ACAN: variants seen among roughly 807,000 people sequenced by gnomAD.
ACAN encodes the protein aggrecan core protein.
In ACAN, 47 loss-of-function variants were observed where a neutral mutation model predicts 169.1. The observed-to-expected ratio is 0.28, with a 90% CI of 0.22 to 0.35. The LOEUF is 0.35. Among genes scored for constraint, ACAN ranks in the 10% least tolerant of loss-of-function variants. The probability of loss-of-function intolerance (pLI) is 1.00; values close to 1 mark genes in which losing one functional copy is unlikely to be tolerated. For synonymous variants in ACAN, 1,115 were observed against 1,112.2 expected (o/e 1.00, Z -0.05); for missense variants, 2,716 against 2,759.9 (o/e 0.98, Z 0.36).
rs1897428530 is a variant in ACAN at position 88,873,381 on chromosome 15, C to T, written c.7447+356C>T. Among the ~76,000 whole-genome samples, 2 of 152,222 alleles carry T rather than the reference C, an allele frequency of 1.3e-5. No homozygotes were observed. Among genetic ancestry groups the T allele is most frequent in the South Asian group, 4.1e-4 (2 of 4,830 alleles). ...GGGGAGCCTCCCTGTCTTTGGGATTCCCAAGGCCATCAATCACAGAGTCAT... is the reference window on the plus strand; with the variant it reads ...GGGGAGCCTCCCTGTCTTTGGGATTTCCAAGGCCATCAATCACAGAGTCAT... On this transcript the variant is annotated intron_variant, in intron 17 of 18. Transcript: ENST00000560601. This position sits in a 1 kb window ranked among gnomAD's most constrained non-coding sequence, Gnocchi z 7.5.
At position 88,848,918 on chromosome 15, in the gene ACAN, C is replaced by T. The variant is rs557723307; in HGVS notation, c.1733-520C>T. 2.0e-5 allele frequency among the ~76,000 whole-genome samples: 3 copies of T among 152,318 alleles called. No homozygotes were observed. In the South Asian group the frequency reaches 6.2e-4, roughly 32 times the overall value. ...AGGTGTTCAGTAAGTGTAAGCCCTC[C>T]TCCCCCTAAACCGGATAGGTATCAG... is the stretch of plus-strand genomic sequence containing the variant. On this transcript the variant is annotated intron_variant, in intron 9 of 18. Transcript: ENST00000560601.
intron 1 of ACAN, among the ~76,000 whole-genome samples, chr15:88,816,282 T>A (rs1020879370): frequency 1.3e-5 from 2 of 152,212 alleles, no homozygotes; most frequent in African/African-American, 4.8e-5. Flanking sequence ...AGGGACTCAG[T>A]TCAACATATA....
intron 1 of ACAN, among the ~76,000 whole-genome samples, chr15:88,806,379 T>A (rs1317904222): frequency 1.3e-5 from 2 of 150,762 alleles, no homozygotes; most frequent in Non-Finnish European, 3.0e-5. Flanking sequence ...AAGATGGGAG[T>A]CTTGCTCTGT....
In ACAN at chr15:88,860,072, C is replaced by CTTTTTTTTTT; in HGVS notation, c.6833-242_6833-233dup. Among the ~76,000 whole-genome samples, 96 of 102,888 alleles carry CTTTTTTTTTT rather than the reference C, an allele frequency of 9.3e-4. 9 individuals are homozygous for CTTTTTTTTTT. Among genetic ancestry groups the CTTTTTTTTTT allele is most frequent in the African/African-American group, 4.0e-3 (84 of 21,160 alleles). 67.5% of individuals were successfully genotyped at this position (102,888 alleles called of 152,430 possible). A position where few individuals can be genotyped will look rare whatever the true frequency, so the allele number is the denominator to read the frequency against. On this transcript the variant is annotated intron_variant, in intron 12 of 18. Transcript: ENST00000560601. The stretch of plus-strand genomic sequence containing the variant: ...GCACTGGTAGCGGTAGCTGATTTTC[C>CTTTTTTTTTT]TTTTTTTTTTTTTTTTTTTTTGCTC...
intron 13 of ACAN, among the ~76,000 whole-genome samples, chr15:88,863,959 C>T (rs1388423614): frequency 6.6e-6 from 1 of 152,178 alleles, no homozygotes; most frequent in Non-Finnish European, 1.5e-5. Context: ...ATCACTTGAG[C>T]CCAGGAGTTC....
In ACAN at chr15:88,859,275, A is replaced by C. The variant is rs570283804; in HGVS notation, c.6690A>C (p.Ala2230=). ...SEWTQQTQRP[A]ETHLEIESSS... ...GGACCCAGCAGACCCAGCGCCCTGC[A>C]GAGACGCATCTAGAAATTGAGTCCT... Residue 2230 remains alanine (A), a synonymous_variant, in exon 12 of 19, where the codon GCA becomes GCC. Coordinates refer to ENST00000560601, the MANE Select transcript of ACAN (RefSeq NM_001369268.1). The C allele has an allele frequency of 3.1e-6, 5 of 1,613,798 alleles. No homozygotes were observed. Among genetic ancestry groups the C allele is most frequent in the Non-Finnish European group, 4.2e-6 (5 of 1,179,848 alleles).
chr15:88,839,822 C>A lies in ACAN; in HGVS notation c.455-190C>A, dbSNP rs1896603019. Among the ~76,000 whole-genome samples the A allele has an allele frequency of 6.6e-6, 1 of 152,224 alleles. No homozygotes were observed. Among genetic ancestry groups the A allele is most frequent in the African/African-American group, 2.4e-5 (1 of 41,446 alleles). ...GGAATGCCTTATAAAGTAGTGAGCT[C>A]CCCATTACAGGGTGTTCCAGCAAAT... is the stretch of plus-strand genomic sequence containing the variant. On this transcript the variant is annotated intron_variant, in intron 3 of 18. Coordinates refer to ENST00000560601, the MANE Select transcript of ACAN (RefSeq NM_001369268.1). This position sits in a 1 kb window ranked among gnomAD's most constrained non-coding sequence, Gnocchi z 4.5.
At chr15:88,859,682 C>T (rs947379020) in intron 12 of ACAN, among the ~76,000 whole-genome samples, 1 of 152,226 alleles carries the variant, frequency 6.6e-6, no homozygotes, top group Non-Finnish European at 1.5e-5. Context: ...ATGCAGTGCA[C>T]ACTTGTAAAG....
At chr15:88,837,765 C>G (rs1349167430) in intron 2 of ACAN, among the ~76,000 whole-genome samples, 1 of 152,190 alleles carries the variant, frequency 6.6e-6, no homozygotes, top group Non-Finnish European at 1.5e-5. Context: ...ATTCCTCGCT[C>G]CCCTCCCCTT....
chr15:88,852,333 C>A (rs1263806199), intron 11 of ACAN, among the ~76,000 whole-genome samples: 2 of 152,208 alleles, frequency 1.3e-5, no homozygotes, highest in African/African-American at 4.8e-5. Flanking sequence ...TGAGAGGGCC[C>A]TCAGTTACCT....
At chr15:88,840,311 G>C (rs1470906697) in intron 4 of ACAN, 125 bp downstream of exon 4, 5 of 1,221,022 alleles carry the variant, frequency 4.1e-6, no homozygotes, top group Non-Finnish European at 5.5e-6. Flanking sequence ...GCCAGCCTAG[G>C]TTAGAGGCCG....
Position 88,858,599 on chromosome 15 carries a change from G to T in ACAN, c.6014G>T (p.Ser2005Ile). The T allele has an allele frequency of 1.9e-6, 3 of 1,613,936 alleles. No individual in the cohort carries two copies. Among genetic ancestry groups the T allele is most frequent in the Non-Finnish European group, 2.5e-6 (3 of 1,179,904 alleles). ...SGEPPGTPYFSGDFASTTNVS... is the reference protein window; with the variant it reads ...SGEPPGTPYFIGDFASTTNVS... ...GAGCCACCAGGTACTCCATATTTTAGTGGGGATTTTGCCAGCACCACCAAT... is the reference window on the plus strand; with the variant it reads ...GAGCCACCAGGTACTCCATATTTTATTGGGGATTTTGCCAGCACCACCAAT... The change falls in exon 12 of 19, where the codon AGT becomes ATT. Residue 2005 changes from serine (S) to isoleucine (I), a missense_variant. Physicochemically the swap from Ser to Ile is moderately radical, Grantham distance 142 (BLOSUM62 -2). Coordinates refer to ENST00000560601, the MANE Select transcript of ACAN (RefSeq NM_001369268.1). The surrounding 1 kb of genome is among the most constrained non-coding windows in gnomAD (Gnocchi z 4.0).
rs752804507 is a variant in ACAN at position 88,874,048 on chromosome 15, G to A, written c.7630+24G>A. The A allele has an allele frequency of 1.9e-6, 3 of 1,605,064 alleles. No homozygotes were observed. The highest frequency in any genetic ancestry group is 1.3e-5 in the African/African-American group (1 of 74,956). Reference sequence around the variant, plus strand: ...CCGTGAGCATCACCCCGGCCATCTCGCTGAGCACAGGGTTAGATTCTGCCA... The same window carrying A: ...CCGTGAGCATCACCCCGGCCATCTCACTGAGCACAGGGTTAGATTCTGCCA... On this transcript the variant is annotated intron_variant, in intron 18 of 18. Transcript: ENST00000560601. The surrounding 1 kb of genome is among the most constrained non-coding windows in gnomAD (Gnocchi z 7.3).
intron 9 of ACAN, among the ~76,000 whole-genome samples, chr15:88,848,366 C>T (rs1896847155): frequency 6.6e-6 from 1 of 152,294 alleles, no homozygotes; most frequent in Admixed American, 6.5e-5. Context: ...TGGAGAGTCC[C>T]AATGCCTGGG....
At position 88,871,955 on chromosome 15, in the gene ACAN, C is replaced by T. The variant is rs1468912539; in HGVS notation, c.7220-48C>T. On this transcript the variant is annotated intron_variant, in intron 15 of 18. Transcript: ENST00000560601. This position sits in a 1 kb window ranked among gnomAD's most constrained non-coding sequence, Gnocchi z 7.8. ...TCCGTGAGCTCAAGTTTCTCAGACA[C>T]CCTCAGGGTGTCCAGTGTGATGCCT... The T allele has an allele frequency of 6.5e-7, 1 of 1,528,318 alleles. No homozygotes were observed. Among genetic ancestry groups the T allele is most frequent in the Admixed American group, 1.7e-5 (1 of 59,870 alleles). 94.7% of individuals were successfully genotyped at this position (1,528,318 alleles called of 1,614,324 possible).
rs757229334 is a variant in ACAN, at chr15:88,858,232, G to A, written c.5647G>A (p.Asp1883Asn). Reference protein sequence around the residue: ...DVSGQFSGTVDSSGFTSQTPE... With the variant: ...DVSGQFSGTVNSSGFTSQTPE... ...CAGTGGACAGTTTTCTGGAACAGTCGATTCCAGTGGGTTTACATCCCAGAC... is the reference window on the plus strand; with the variant it reads ...CAGTGGACAGTTTTCTGGAACAGTCAATTCCAGTGGGTTTACATCCCAGAC... Residue 1883 changes from aspartate (D) to asparagine (N), a missense_variant, in exon 12 of 19, where the codon GAT becomes AAT. Physicochemically the swap from Asp to Asn is conservative, Grantham distance 23. Coordinates refer to ENST00000560601, the MANE Select transcript of ACAN (RefSeq NM_001369268.1). This position sits in a 1 kb window ranked among gnomAD's most constrained non-coding sequence, Gnocchi z 4.0. 1.3e-5 allele frequency: 21 copies of A among 1,613,798 alleles called. No individual in the cohort carries two copies. The highest frequency in any genetic ancestry group is 2.2e-5 in the East Asian group (1 of 44,894).
Position 88,807,644 on chromosome 15 carries a change from G to A in ACAN, c.-8+3835G>A, listed in dbSNP as rs1334767341. 6.6e-6 allele frequency among the ~76,000 whole-genome samples: 1 copy of A among 152,176 alleles called. No homozygotes were observed. Among genetic ancestry groups the A allele is most frequent in the Non-Finnish European group, 1.5e-5 (1 of 68,032 alleles). On this transcript the variant is annotated intron_variant, in intron 1 of 18. Coordinates refer to ENST00000560601, the MANE Select transcript of ACAN (RefSeq NM_001369268.1). This position sits in a 1 kb window ranked among gnomAD's most constrained non-coding sequence, Gnocchi z 4.0. Reference sequence around the variant, plus strand: ...GGACCAGAGAGGGGGAATTTGTAGAGAAAACGGTAAAACGGTTTCTTTTTT... The same window carrying A: ...GGACCAGAGAGGGGGAATTTGTAGAAAAAACGGTAAAACGGTTTCTTTTTT...
At position 88,872,245 on chromosome 15, in the gene ACAN, G is replaced by A. The variant is rs1596157187; in HGVS notation, c.7302+160G>A. Reference sequence around the variant, plus strand: ...GATTATCTCCTTCATCTCTGCCTCTGGAACCCAGCCCGGGGCTGGACAGAT... The same window carrying A: ...GATTATCTCCTTCATCTCTGCCTCTAGAACCCAGCCCGGGGCTGGACAGAT... On this transcript the variant is annotated intron_variant, in intron 16 of 18. Transcript: ENST00000560601. The surrounding 1 kb of genome is among the most constrained non-coding windows in gnomAD (Gnocchi z 5.4). 6.6e-6 allele frequency among the ~76,000 whole-genome samples: 1 copy of A among 152,204 alleles called. No individual in the cohort carries two copies. The highest frequency in any genetic ancestry group is 1.9e-4 in the East Asian group (1 of 5,188).
rs1055836169 is a variant in ACAN, at chr15:88,868,920, G to C, written c.7060+591G>C. Among the ~76,000 whole-genome samples, 1 of 152,202 alleles carries C rather than the reference G, an allele frequency of 6.6e-6. No homozygotes were observed. Among genetic ancestry groups the C allele is most frequent in the African/African-American group, 2.4e-5 (1 of 41,440 alleles). ...CATCACTATTGTGACAGCTGCCATG[G>C]CAATGCCATGCCAGCCTATGCTTCC... is the stretch of plus-strand genomic sequence containing the variant. On this transcript the variant is annotated intron_variant, in intron 14 of 18. Transcript: ENST00000560601. This position sits in a 1 kb window ranked among gnomAD's most constrained non-coding sequence, Gnocchi z 5.2.
Sources: gnomAD v4.1 joint callset for allele counts (sites outside exome capture counted in the v4.1 genomes callset) on GRCh38, gnomAD v4.1.1 for gene constraint, Gnocchi (gnomAD v3.1) non-coding constraint, MANE v1.5 for transcripts, NCBI Gene and HGNC (gene_info 2026-07-23, HGNC 2026-07-21) for gene names.